The following CTSD variants were observed in gnomAD, a reference collection of about 807,000 sequenced individuals.
CTSD encodes the protein ceroid-lipofuscinosis, neuronal 10.
CTSD carries 28 observed loss-of-function variants against 43.6 expected under a neutral mutation model. The ratio of observed to expected loss-of-function variants is 0.64; its 90% CI spans 0.48 to 0.88. CTSD has a LOEUF of 0.88. Ranked by LOEUF, CTSD falls within the 40% of genes least tolerant of loss-of-function variation. The probability of loss-of-function intolerance (pLI) is 0.00; values close to 1 mark genes in which losing one functional copy is unlikely to be tolerated. For missense variants in CTSD, 485 were observed against 555.2 expected (o/e 0.87, Z 1.27); for synonymous variants, 270 against 249.8 (o/e 1.08, Z -0.76).
rs555114532 is a variant in CTSD, at chr11:1,760,553, A to ATG, written c.228+754_228+755dup. 2.4e-3 allele frequency: 361 copies of ATG among 152,376 alleles called. 4 individuals are homozygous for ATG. The highest frequency in any genetic ancestry group is 0.014 in the Middle Eastern group (4 of 294). 9.4% of individuals were successfully genotyped at this position (152,376 alleles called of 1,614,324 possible). ...GCAGGGGGACACTCAGCAAATTTCC[A>ATG]TGTGTGTGTGTGCATGTGTGCGCAT... On this transcript the variant is annotated intron_variant, in intron 2 of 8. Coordinates refer to ENST00000236671, the MANE Select transcript of CTSD (RefSeq NM_001909.5).
At chr11:1,757,268 T>C in intron 5 of CTSD, 56 bp downstream of exon 5, 1 of 1,462,612 alleles carries the variant, frequency 6.8e-7, no homozygotes, top group South Asian at 1.2e-5. Context: ...AGGCTCCCCG[T>C]CCAGCCCCGC....
chr11:1,754,963 C>A lies in CTSD; in HGVS notation c.770G>T (p.Gly257Val). 1 of 1,613,904 alleles carries A rather than the reference C, an allele frequency of 6.2e-7. No homozygotes were observed. Among genetic ancestry groups the A allele is most frequent in the Non-Finnish European group, 8.5e-7 (1 of 1,179,894 alleles). ...GGTGACATTCAGGTAGGACAGAGAA[C>A]CCTTGTAATACTTGGAGTCTGTGCC... ...LGGTDSKYYK[G>V]SLSYLNVTRK... Residue 257 changes from glycine to valine, a missense_variant, in exon 6 of 9, where the codon GGT becomes GTT. Coordinates refer to ENST00000236671, the MANE Select transcript of CTSD (RefSeq NM_001909.5).
At chr11:1,756,639 G>A (rs1290826459) in intron 5 of CTSD, among the ~76,000 whole-genome samples, 2 of 151,198 alleles carry the variant, frequency 1.3e-5, no homozygotes, top group African/African-American at 2.4e-5. Context: ...CCTCTTATGT[G>A]GAACCCTCCA....
At chr11:1,758,483 C>T (rs1325384793) in intron 4 of CTSD, among the ~76,000 whole-genome samples, 2 of 152,106 alleles carry the variant, frequency 1.3e-5, no homozygotes, top group East Asian at 1.9e-4. Flanking sequence ...TGGATGCAGG[C>T]GGGGCCCCCA....
At chr11:1,761,575 C>T in intron 1 of CTSD, 107 bp from the exon 2 acceptor site, 1 of 1,305,870 alleles carries the variant, frequency 7.7e-7, no homozygotes, top group East Asian at 2.5e-5. Flanking sequence ...TCAGAGTCGC[C>T]ACAGCCAAAA....
At position 1,763,775 on chromosome 11, in the gene CTSD, G is replaced by A; in HGVS notation, c.68+17C>T. On this transcript the variant is annotated intron_variant, in intron 1 of 8. Coordinates refer to ENST00000236671, the MANE Select transcript of CTSD (RefSeq NM_001909.5). ...CGACCCCTGCCCGTCCCTGAGCCCC[G>A]GCCCCTGAGGCTTCACCTGACGAGC... The A allele has an allele frequency of 6.6e-7, 1 of 1,522,576 alleles. No individual in the cohort carries two copies. The allele number at this position is 1,522,576 out of a possible 1,614,324, so 94.3% of individuals were successfully genotyped here. A position where few individuals can be genotyped will look rare whatever the true frequency, so the allele number is the denominator to read the frequency against.
chr11:1,759,716 C>G, intron 2 of CTSD, 77 bp from the exon 3 acceptor site: 1 of 1,492,814 alleles, frequency 6.7e-7, no homozygotes, highest in Non-Finnish European at 9.1e-7. Context: ...GCCCGGCTGT[C>G]CCCAGAGCCA....
Position 1,753,602 on chromosome 11 carries a change from C to A in CTSD, c.1140G>T (p.Gly380=). The A allele has an allele frequency of 6.2e-7, 1 of 1,613,050 alleles. No individual in the cohort carries two copies. Among genetic ancestry groups the A allele is most frequent in the Non-Finnish European group, 8.5e-7 (1 of 1,179,912 alleles). ...AGACGTCGCCCAGGATCCAGAGTGG[C>A]CCGCTGGGTGGCGGGATGTCCATGC... ...FMGMDIPPPS[G]PLWILGDVFI... Residue 380 remains glycine, a synonymous_variant, in exon 9 of 9, where the codon GGG becomes GGT. Coordinates refer to ENST00000236671, the MANE Select transcript of CTSD (RefSeq NM_001909.5).
intron 3 of CTSD, 144 bp from the exon 4 acceptor site, chr11:1,759,231 C>T (rs759763168): frequency 7.3e-5 from 64 of 873,124 alleles, no homozygotes; most frequent in Non-Finnish European, 1.1e-4. Context: ...ATCTGAGGCC[C>T]ACCATCATGC....
At chr11:1,754,499 TGGGGATGGAGGGATGGAGGGATGGA>T (rs1321422151) in intron 6 of CTSD, among the ~76,000 whole-genome samples, 48 of 23,416 alleles carry the variant, frequency 2.0e-3, no homozygotes, top group African/African-American at 6.7e-3. Context: ...CAGAGGGATG[TGGGGATGGAGGGATGGAGGGATGGA>T]GGGGATGGAG....
intron 5 of CTSD, among the ~76,000 whole-genome samples, chr11:1,756,955 A>T (rs991268356): frequency 1.3e-5 from 2 of 152,162 alleles, no homozygotes; most frequent in Non-Finnish European, 2.9e-5. Context: ...CGGGACCAGG[A>T]CCACATGTGC....
At chr11:1,754,408 GATGAAGGGATGGAGGGGC>G (rs1565019256) in intron 6 of CTSD, among the ~76,000 whole-genome samples, 23 of 123,698 alleles carry the variant, frequency 1.9e-4, no homozygotes, top group Admixed American at 1.1e-3. Context: ...GGATGGAGGG[GATGAAGGGATGGAGGGGC>G]ATGGAGGGAT....
intron 3 of CTSD, among the ~76,000 whole-genome samples, 164 bp from the exon 4 acceptor site, chr11:1,759,251 G>A (rs936153984): frequency 6.6e-6 from 1 of 152,130 alleles, no homozygotes; most frequent in East Asian, 1.9e-4. Flanking sequence ...CCAGAGCCCC[G>A]GGACTGTGGG....
chr11:1,755,311 G>A (rs1845796575), intron 5 of CTSD: 3 of 489,946 alleles, frequency 6.1e-6, no homozygotes, highest in Non-Finnish European at 7.5e-6. Context: ...CCAGACATCA[G>A]GGTCAAGGCT....
At chr11:1,761,259 C>T in intron 2 of CTSD, 50 bp downstream of exon 2, 1 of 1,604,092 alleles carries the variant, frequency 6.2e-7, no homozygotes, top group South Asian at 1.1e-5. Context: ...TGCCACGGAG[C>T]TCTCCTGACA....
Position 1,753,413 on chromosome 11 carries a change from T to G in CTSD, c.*90A>C. ...CCAGGACAGTGGGCGGGCGAGTGTG[T>G]GGGTGTGTGTGGGAGGGGCCGCTGG... On this transcript the variant is annotated 3_prime_UTR_variant, in exon 9 of 9. Transcript: ENST00000236671. 2 of 1,472,118 alleles carry G rather than the reference T, an allele frequency of 1.4e-6. No individual in the cohort carries two copies. Among genetic ancestry groups the G allele is most frequent in the Non-Finnish European group, 1.9e-6 (2 of 1,053,704 alleles). 91.2% of individuals were successfully genotyped at this position (1,472,118 alleles called of 1,614,324 possible). A position where few individuals can be genotyped will look rare whatever the true frequency, so the allele number is the denominator to read the frequency against.
rs907516669 is a variant in CTSD, at chr11:1,753,437, G to A, written c.*66C>T. 6.3e-6 allele frequency: 10 copies of A among 1,592,184 alleles called. No homozygotes were observed. Among genetic ancestry groups the A allele is most frequent in the Admixed American group, 5.0e-5 (3 of 59,962 alleles). The stretch of plus-strand genomic sequence containing the variant: ...GTGGGTGTGTGTGGGAGGGGCCGCT[G>A]GGCCAGGGGCCTCCTGCTCTGGGAC... On this transcript the variant is annotated 3_prime_UTR_variant, in exon 9 of 9. Transcript: ENST00000236671.
chr11:1,759,137 C>A, intron 3 of CTSD, 50 bp from the exon 4 acceptor site: 1 of 1,348,880 alleles, frequency 7.4e-7, no homozygotes, highest in Non-Finnish European at 1.1e-6. Flanking sequence ...GCCCACGCCA[C>A]GGCCTTAGCC....
At chr11:1,760,677 T>C (rs1159864082) in intron 2 of CTSD, 1 of 156,302 alleles carries the variant, frequency 6.4e-6, no homozygotes, top group East Asian at 1.9e-4. Context: ...CCTGGCCCAG[T>C]CACATGCCTG....
Sources: gnomAD v4.1 joint callset for allele counts (sites outside exome capture counted in the v4.1 genomes callset) on GRCh38, gnomAD v4.1.1 for gene constraint, MANE v1.5 for transcripts, NCBI Gene and HGNC (gene_info 2026-07-23, HGNC 2026-07-21) for gene names.